Variants in GRM4 observed in about 807,000 individuals in gnomAD.
GRM4 encodes the protein glutamate metabotropic receptor 4.
GRM4 carries 28 observed loss-of-function variants against 81.7 expected under a neutral mutation model. The ratio of observed to expected loss-of-function variants is 0.34; its 90% CI spans 0.25 to 0.47. The LOEUF is 0.47. Among genes scored for constraint, GRM4 ranks in the 20% least tolerant of loss-of-function variants. GRM4 has a pLI of 1.00. For synonymous variants in GRM4, 488 were observed against 528.8 expected (o/e 0.92, Z 1.06); for missense variants, 948 against 1,290.0 (o/e 0.73, Z 4.06).
chr6:34,036,083 C>T lies in GRM4; in HGVS notation c.2027G>A (p.Arg676His), dbSNP rs767943562. The change falls in exon 9 of 11, where the codon CGC (arginine) becomes CAC (histidine). Residue 676 changes from arginine (R) to histidine (H), a missense_variant. By Grantham distance (29) the Arg-to-His change is conservative. Transcript: ENST00000538487. The surrounding 1 kb of genome is among the most constrained non-coding windows in gnomAD (Gnocchi z 9.0). The stretch of plus-strand genomic sequence containing the variant: ...GCCCTGCTCGAAGATGCGGTAGATG[C>T]GGTTGGTCTTGGTGAGCAGGGCTGC... ...SYAALLTKTN[R>H]IYRIFEQGKR... is the part of the protein sequence containing the mutation. 1.2e-6 allele frequency: 2 copies of T among 1,614,070 alleles called. No individual in the cohort carries two copies. Among genetic ancestry groups the T allele is most frequent in the African/African-American group, 1.3e-5 (1 of 74,932 alleles).
chr6:34,122,199 A>ACT (rs1229274530), intron 2 of GRM4, among the ~76,000 whole-genome samples: 4 of 151,302 alleles, frequency 2.6e-5, no homozygotes, highest in African/African-American at 9.7e-5. Context: ...GAGCCCCAAC[A>ACT]CTCTCTCTCT....
intron 1 of GRM4, among the ~76,000 whole-genome samples, chr6:34,153,190 C>T (rs1177598425): frequency 6.6e-6 from 1 of 152,196 alleles, no homozygotes; most frequent in African/African-American, 2.4e-5. Flanking sequence ...CAGCTCATCC[C>T]TATATCCCCA....
Position 34,133,034 on chromosome 6 carries a change from C to T in GRM4, c.463G>A (p.Gly155Ser), listed in dbSNP as rs1279080274. ...TKPERVVGVI[G>S]ASGSSVSIMV... ...ATGGAGACCGAGCTCCCTGAAGCAC[C>T]GATGACACCCACCACACGTTCAGGC... The change falls in exon 2 of 11, where the codon GGT (glycine) becomes AGT (serine). Residue 155 changes from glycine to serine, a missense_variant. By Grantham distance (56) the Gly-to-Ser change is moderately conservative. Coordinates refer to ENST00000538487, the MANE Select transcript of GRM4 (RefSeq NM_000841.4). This position sits in a 1 kb window ranked among gnomAD's most constrained non-coding sequence, Gnocchi z 6.5. 2 of 1,613,526 alleles carry T rather than the reference C, an allele frequency of 1.2e-6. No homozygotes were observed. Among genetic ancestry groups the T allele is most frequent in the African/African-American group, 1.3e-5 (1 of 74,878 alleles).
intron 6 of GRM4, among the ~76,000 whole-genome samples, chr6:34,045,793 A>G (rs1765335926): frequency 6.6e-6 from 1 of 152,210 alleles, no homozygotes; most frequent in Non-Finnish European, 1.5e-5. Flanking sequence ...GAAGCAAGAC[A>G]TGCATTTCTG....
At chr6:34,098,928 T>TTCCC (rs1307832022) in intron 2 of GRM4, among the ~76,000 whole-genome samples, 3 of 151,790 alleles carry the variant, frequency 2.0e-5, no homozygotes, top group Non-Finnish European at 2.9e-5. Context: ...CCAGCTGCCC[T>TTCCC]TCCCTCCCTC....
intron 2 of GRM4, among the ~76,000 whole-genome samples, chr6:34,119,506 G>T (rs1050003168): frequency 6.6e-6 from 1 of 152,236 alleles, no homozygotes; most frequent in Non-Finnish European, 1.5e-5. Flanking sequence ...AGAGGTGGAG[G>T]TGTCACAGGG....
chr6:34,145,342 G>A (rs932012366), intron 1 of GRM4, among the ~76,000 whole-genome samples: 33 of 152,088 alleles, frequency 2.2e-4, no homozygotes, highest in African/African-American at 7.2e-4. Context: ...TCCGGCAAGC[G>A]AGCAAGCGAG....
upstream of GRM4, among the ~76,000 whole-genome samples, chr6:34,147,900 TTGAA>T (rs3041981): frequency 0.46 from 68,684 of 150,626 alleles, 15,871 homozygotes; most frequent in East Asian, 0.56. Context: ...TATACTTTTG[TTGAA>T]TGAATGAATG....
intron 2 of GRM4, among the ~76,000 whole-genome samples, chr6:34,124,846 C>A (rs112462005): frequency 8.5e-5 from 13 of 152,272 alleles, no homozygotes; most frequent in Admixed American, 6.5e-4. Context: ...AGGACCCCCC[C>A]CTAGACTCAG....
At chr6:34,056,504 T>C (rs1697835785) in intron 6 of GRM4, 40 bp downstream of exon 6, 1 of 1,580,630 alleles carries the variant, frequency 6.3e-7, no homozygotes, top group Non-Finnish European at 8.6e-7. Context: ...CCCCGGCTCC[T>C]CCTAGAGCCC....
intron 9 of GRM4, among the ~76,000 whole-genome samples, chr6:34,029,829 C>T (rs1462856278): frequency 6.6e-6 from 1 of 152,240 alleles, no homozygotes; most frequent in Non-Finnish European, 1.5e-5. Context: ...AGCCAAGGCA[C>T]TGACACTCCT....
chr6:34,078,913 G>A lies in GRM4; in HGVS notation c.736+12970C>T, dbSNP rs933913348. Among the ~76,000 whole-genome samples, 1 of 152,218 alleles carries A rather than the reference G, an allele frequency of 6.6e-6. No individual in the cohort carries two copies. The highest frequency in any genetic ancestry group is 1.5e-5 in the Non-Finnish European group (1 of 68,048). ...ACAGATATAATGGGGCAGCATGTAA[G>A]TGAGGGAGAGAGGAAAGGACGGTCA... On this transcript the variant is annotated intron_variant, in intron 3 of 10. Transcript: ENST00000538487. The surrounding 1 kb of genome is among the most constrained non-coding windows in gnomAD (Gnocchi z 4.8).
Position 34,133,297 on chromosome 6 carries a change from C to G in GRM4, c.200G>C (p.Cys67Ser). 6.2e-7 allele frequency: 1 copy of G among 1,614,154 alleles called. No individual in the cohort carries two copies. The highest frequency in any genetic ancestry group is 8.5e-7 in the Non-Finnish European group (1 of 1,180,028). ...VHGRGSEGKP[C>S]GELKKEKGIH... ...GCCCTTTTCCTTCTTAAGTTCTCCA[C>G]AGGGCTTGCCCTCTGAGCCCCGGCC... Residue 67 changes from cysteine to serine, a missense_variant, in exon 2 of 11, where the codon TGT becomes TCT. Physicochemically the swap from Cys to Ser is moderately radical, Grantham distance 112. Transcript: ENST00000538487. This position sits in a 1 kb window ranked among gnomAD's most constrained non-coding sequence, Gnocchi z 6.5.
At chr6:34,138,496 G>A (rs530781801) in intron 1 of GRM4, among the ~76,000 whole-genome samples, 9 of 152,232 alleles carry the variant, frequency 5.9e-5, no homozygotes, top group Non-Finnish European at 8.8e-5. Context: ...CCAGAAGGGG[G>A]ATGGCAGCGC....
chr6:34,067,822 G>A (rs937838915), intron 3 of GRM4, among the ~76,000 whole-genome samples: 1 of 152,144 alleles, frequency 6.6e-6, no homozygotes, highest in Non-Finnish European at 1.5e-5. Context: ...GGCAGAGGAA[G>A]GGCCCCCTGG....
intron 3 of GRM4, among the ~76,000 whole-genome samples, chr6:34,072,597 A>C: frequency 6.6e-6 from 1 of 150,400 alleles, no homozygotes; most frequent in Non-Finnish European, 1.5e-5. Context: ...ACAGATACAG[A>C]CCACACACAC....
At chr6:34,030,029 CT>C (rs1764335598) in intron 9 of GRM4, among the ~76,000 whole-genome samples, 1 of 152,252 alleles carries the variant, frequency 6.6e-6, no homozygotes, top group Admixed American at 6.5e-5. Context: ...ACTCTCACCC[CT>C]GGGCATGGAG....
intron 3 of GRM4, among the ~76,000 whole-genome samples, chr6:34,084,393 G>A (rs1051280745): frequency 5.3e-5 from 8 of 152,248 alleles, no homozygotes; most frequent in East Asian, 1.9e-4. Context: ...GTCAGCAGGC[G>A]CTGTAGCCCA....
At position 34,087,889 on chromosome 6, in the gene GRM4, C is replaced by A. The variant is rs146715823; in HGVS notation, c.736+3994G>T. Among the ~76,000 whole-genome samples, 291 of 150,932 alleles carry A rather than the reference C, an allele frequency of 1.9e-3. 4 individuals are homozygous for A. Among genetic ancestry groups the A allele is most frequent in the African/African-American group, 6.4e-3 (261 of 41,026 alleles). On this transcript the variant is annotated intron_variant, in intron 3 of 10. Coordinates refer to ENST00000538487, the MANE Select transcript of GRM4 (RefSeq NM_000841.4). Reference sequence around the variant, plus strand: ...AGTTCACCTTGCTGCCCTCTCCCCACCAGACCAGCCATACCCTAAGAACCA... The same window carrying A: ...AGTTCACCTTGCTGCCCTCTCCCCAACAGACCAGCCATACCCTAAGAACCA...
Sources: gnomAD v4.1 joint callset for allele counts (sites outside exome capture counted in the v4.1 genomes callset) on GRCh38, gnomAD v4.1.1 for gene constraint, Gnocchi (gnomAD v3.1) non-coding constraint, MANE v1.5 for transcripts, NCBI Gene and HGNC (gene_info 2026-07-23, HGNC 2026-07-21) for gene names.